ROBO1: variants seen among roughly 807,000 people sequenced by gnomAD.
ROBO1 encodes roundabout homolog 1.
In ROBO1, 149 loss-of-function variants were observed where a neutral mutation model predicts 195.9. The ratio of observed to expected loss-of-function variants is 0.76; its 90% CI spans 0.67 to 0.87. The LOEUF is 0.87. Among genes scored for constraint, ROBO1 ranks in the 40% least tolerant of loss-of-function variants. The pLI, the probability that ROBO1 is intolerant of heterozygous loss-of-function variation, is 0.00. For synonymous variants in ROBO1, 816 were observed against 733.2 expected, an observed-to-expected ratio of 1.11 and a Z score of -1.82; for missense variants, 1,933 against 2,068.3, an observed-to-expected ratio of 0.93 and a Z score of 1.27.
chr3:79,340,855 G>C (rs556482776), intron 2 of ROBO1, among the ~76,000 whole-genome samples: 18 of 152,178 alleles, frequency 1.2e-4, no homozygotes, highest in Non-Finnish European at 2.5e-4. Context: ...CCTGAACCTG[G>C]TATTTCTGGA....
At chr3:79,095,887 T>A (rs949797270) in intron 3 of ROBO1, among the ~76,000 whole-genome samples, 12 of 152,148 alleles carry the variant, frequency 7.9e-5, no homozygotes, top group Admixed American at 1.3e-4. Flanking sequence ...CTCATTTTTT[T>A]AAATATCTGC....
At chr3:79,647,177 CAT>C (rs1945843814) in intron 1 of ROBO1, among the ~76,000 whole-genome samples, 1 of 152,086 alleles carries the variant, frequency 6.6e-6, no homozygotes, top group East Asian at 1.9e-4. Flanking sequence ...TATATTATCA[CAT>C]GTGCCCAGAA....
intron 1 of ROBO1, among the ~76,000 whole-genome samples, chr3:79,720,831 T>C (rs1249441693): frequency 1.3e-5 from 2 of 150,618 alleles, no homozygotes; most frequent in Non-Finnish European, 2.9e-5. Context: ...CTCGCGCTGT[T>C]GCCCAGGCTG....
At chr3:79,471,742 A>G (rs1452345173) in intron 2 of ROBO1, among the ~76,000 whole-genome samples, 2 of 152,188 alleles carry the variant, frequency 1.3e-5, no homozygotes, top group Admixed American at 1.3e-4. Flanking sequence ...ACACCATGGA[A>G]TACTATGCAG....
At chr3:79,159,638 G>A (rs1252182940) in intron 2 of ROBO1, among the ~76,000 whole-genome samples, 1 of 151,938 alleles carries the variant, frequency 6.6e-6, no homozygotes, top group Non-Finnish European at 1.5e-5. Context: ...CTTGCAAATT[G>A]GCAAATTAAT....
intron 1 of ROBO1, among the ~76,000 whole-genome samples, chr3:79,724,771 G>T (rs949767378): frequency 6.6e-6 from 1 of 152,240 alleles, no homozygotes; most frequent in Non-Finnish European, 1.5e-5. Flanking sequence ...CACAGAAAGT[G>T]TGAGATAAAT....
intron 2 of ROBO1, among the ~76,000 whole-genome samples, chr3:79,411,724 T>C (rs1029809284): frequency 6.6e-6 from 1 of 152,170 alleles, no homozygotes; most frequent in African/African-American, 2.4e-5. Context: ...AGAACAATAT[T>C]GCAGATGTGT....
At position 79,077,980 on chromosome 3, in the gene ROBO1, G is replaced by GTAAA. The variant is rs575997246; in HGVS notation, c.172+47472_172+47475dup. Among the ~76,000 whole-genome samples the GTAAA allele has an allele frequency of 3.8e-3, 572 of 151,900 alleles. 3 individuals carry two copies. Among genetic ancestry groups the GTAAA allele is most frequent in the Non-Finnish European group, 6.2e-3 (420 of 67,836 alleles). ...TTATTATGAGTGATGAACTTGCGTT[G>GTAAA]TAAATACTGGGTCATGGCATATAGG... On this transcript the variant is annotated intron_variant, in intron 3 of 30. Coordinates refer to ENST00000464233, the MANE Select transcript of ROBO1 (RefSeq NM_002941.4).
At chr3:79,685,916 C>A (rs987586515) in intron 1 of ROBO1, among the ~76,000 whole-genome samples, 4 of 151,848 alleles carry the variant, frequency 2.6e-5, no homozygotes, top group Non-Finnish European at 5.9e-5. Context: ...GAGACAACAA[C>A]AAAAAAAGAG....
chr3:79,111,599 G>GT (rs1455018330), intron 3 of ROBO1, among the ~76,000 whole-genome samples: 1 of 152,082 alleles, frequency 6.6e-6, no homozygotes, highest in East Asian at 1.9e-4. Context: ...CGTCACAGCT[G>GT]TAACTATTCA....
chr3:79,497,655 C>A (rs540760545), intron 2 of ROBO1, among the ~76,000 whole-genome samples: 5 of 152,184 alleles, frequency 3.3e-5, no homozygotes, highest in Middle Eastern at 3.4e-3. Flanking sequence ...CTTGAAACTG[C>A]GAAGGGACAA....
intron 1 of ROBO1, among the ~76,000 whole-genome samples, chr3:79,704,935 A>G (rs982286627): frequency 6.6e-6 from 1 of 151,988 alleles, no homozygotes; most frequent in African/African-American, 2.4e-5. Flanking sequence ...CTGATGACAT[A>G]TGATATGGAG....
intron 2 of ROBO1, among the ~76,000 whole-genome samples, chr3:79,305,253 G>C (rs939255826): frequency 6.6e-6 from 1 of 152,046 alleles, no homozygotes; most frequent in African/African-American, 2.4e-5. Context: ...TTGAGAGGCC[G>C]AGGCAGGTGG....
intron 2 of ROBO1, among the ~76,000 whole-genome samples, chr3:79,497,404 T>A (rs1228037879): frequency 2.6e-5 from 4 of 152,200 alleles, no homozygotes; most frequent in Admixed American, 2.6e-4. Flanking sequence ...ATTTAAAAAC[T>A]CATTACATAT....
chr3:79,531,018 C>T (rs1941638928), intron 2 of ROBO1, among the ~76,000 whole-genome samples: 1 of 152,094 alleles, frequency 6.6e-6, no homozygotes, highest in African/African-American at 2.4e-5. Flanking sequence ...TCCACCAGCA[C>T]TCACACACTA....
In ROBO1 at chr3:79,399,891, T is replaced by A. The variant is rs2037298434; in HGVS notation, c.88+189933A>T. ...AAAATTGTGATAGAATTTTTATAGG[T>A]GTTTTCCAAACATGATCCAAAAATG... On this transcript the variant is annotated intron_variant, in intron 2 of 30. Transcript: ENST00000464233. Among the ~76,000 whole-genome samples, 5 of 152,290 alleles carry A rather than the reference T, an allele frequency of 3.3e-5. No homozygotes were observed. The South Asian group carries it at 1.0e-3, about 32-fold the overall frequency.
chr3:79,606,912 C>G (rs1286425975), intron 1 of ROBO1, among the ~76,000 whole-genome samples: 1 of 151,830 alleles, frequency 6.6e-6, no homozygotes, highest in Non-Finnish European at 1.5e-5. Flanking sequence ...CTTTATTTAG[C>G]AGGACCATCA....
At chr3:79,188,977 T>C (rs2081491089) in intron 2 of ROBO1, among the ~76,000 whole-genome samples, 2 of 151,748 alleles carry the variant, frequency 1.3e-5, no homozygotes, top group Non-Finnish European at 2.9e-5. Flanking sequence ...CCTTCTGCCA[T>C]GTGAGAAGAT....
intron 8 of ROBO1, among the ~76,000 whole-genome samples, chr3:78,711,355 C>T (rs796801765): frequency 5.9e-4 from 21 of 35,602 alleles, no homozygotes; most frequent in African/African-American, 3.7e-3. Context: ...TTCCTCCTTC[C>T]TTCCTTCCTT....
Sources: gnomAD v4.1 joint callset for allele counts (sites outside exome capture counted in the v4.1 genomes callset) on GRCh38, gnomAD v4.1.1 for gene constraint, MANE v1.5 for transcripts, NCBI Gene and HGNC (gene_info 2026-07-23, HGNC 2026-07-21) for gene names.